Variants in PARP1 observed in about 807,000 individuals in gnomAD.
The protein encoded by PARP1 is poly(ADP-ribose) polymerase 1.
PARP1 carries 44 observed loss-of-function variants against 118.7 expected under a neutral mutation model. The observed-to-expected ratio is 0.37, with a 90% confidence interval of 0.29 to 0.48. The LOEUF (loss-of-function observed/expected upper bound fraction) is 0.48. Ranked by LOEUF, PARP1 falls within the 20% of genes least tolerant of loss-of-function variation. PARP1 has a pLI of 0.99. For missense variants in PARP1, 1,100 were observed against 1,272.4 expected (o/e 0.86, Z 2.06); for synonymous variants, 492 against 483.2 (o/e 1.02, Z -0.24).
rs2102732372 is a variant in PARP1 at position 226,374,320 on chromosome 1, G to C, written c.1976C>G (p.Pro659Arg). The change falls in exon 14 of 23, where the codon CCT (proline) becomes CGT (arginine). Residue 659 changes from proline (P) to arginine (R), a missense_variant. Physicochemically the swap from Pro to Arg is moderately radical, Grantham distance 103. Around this residue, in one of 2 missense-constraint regions of PARP1, gnomAD observed 948 missense variants for 1,031.8 expected, o/e 0.92. Coordinates refer to ENST00000366794, the MANE Select transcript of PARP1 (RefSeq NM_001618.4). ...CTTGGGGAGCTTGGACTTGGTGCCA[G>C]GATTTACTGTCAGCTTCTTCACTGC... Reference protein sequence around the residue: ...EEAVKKLTVNPGTKSKLPKPV... With the variant: ...EEAVKKLTVNRGTKSKLPKPV... The C allele has an allele frequency of 6.2e-7, 1 of 1,614,190 alleles. No individual in the cohort carries two copies. Among genetic ancestry groups the C allele is most frequent in the Non-Finnish European group, 8.5e-7 (1 of 1,180,018 alleles).
rs528721879 is a variant in PARP1, at chr1:226,385,221, C to T, written c.1011+283G>A. On this transcript the variant is annotated intron_variant, in intron 7 of 22. Transcript: ENST00000366794. ...ATGTCCCTCAAGCCTAGAACTGTGCCTGGCACATAGGAGGCATTCAATAGA... is the reference window on the plus strand; with the variant it reads ...ATGTCCCTCAAGCCTAGAACTGTGCTTGGCACATAGGAGGCATTCAATAGA... 2.6e-5 allele frequency among the ~76,000 whole-genome samples: 4 copies of T among 152,330 alleles called. No individual in the cohort carries two copies. The South Asian group carries it at 8.3e-4, about 32-fold the overall frequency.
At chr1:226,370,398 A>C in intron 15 of PARP1, 36 bp downstream of exon 15, 1 of 1,512,698 alleles carries the variant, frequency 6.6e-7, no homozygotes, top group Non-Finnish European at 9.2e-7. Context: ...CGGCCAGAGG[A>C]GGGTTCCAGG....
intron 5 of PARP1, 29 bp downstream of exon 5, chr1:226,388,627 C>A: frequency 7.1e-7 from 1 of 1,415,204 alleles, no homozygotes; most frequent in South Asian, 1.1e-5. Context: ...AGCAGAATGT[C>A]GAAAGGAGAC....
chr1:226,369,755 G>A (rs1157459247), intron 15 of PARP1, among the ~76,000 whole-genome samples: 1 of 152,036 alleles, frequency 6.6e-6, no homozygotes, highest in Non-Finnish European at 1.5e-5. Context: ...AGGAGTTTGA[G>A]ACCAGTCTGG....
intron 7 of PARP1, among the ~76,000 whole-genome samples, chr1:226,384,402 G>A (rs1476266243): frequency 6.6e-6 from 1 of 152,282 alleles, no homozygotes; most frequent in East Asian, 1.9e-4. Context: ...GGGGGCAACA[G>A]TGTCACTGCC....
intron 14 of PARP1, 43 bp from the exon 15 acceptor site, chr1:226,370,560 C>T (rs1664360409): frequency 2.7e-6 from 4 of 1,499,516 alleles, no homozygotes; most frequent in South Asian, 1.1e-5. Flanking sequence ...GGGCACTGTG[C>T]AGTGTGATCG....
intron 6 of PARP1, 121 bp from the exon 7 acceptor site, chr1:226,385,801 G>T: frequency 1.1e-6 from 1 of 920,238 alleles, no homozygotes; most frequent in Non-Finnish European, 1.7e-6. Context: ...GAGGCTTCTT[G>T]CTGTGGGCTT....
chr1:226,402,493 A>G (rs1025256568), intron 1 of PARP1, 114 bp from the exon 2 acceptor site: 7 of 1,001,280 alleles, frequency 7.0e-6, no homozygotes, highest in African/African-American at 3.2e-5. Context: ...GGGATAGCAC[A>G]TGAAACTTTT....
chr1:226,380,703 T>C (rs2102736049), intron 9 of PARP1, among the ~76,000 whole-genome samples: 1 of 152,366 alleles, frequency 6.6e-6, no homozygotes, highest in Admixed American at 6.5e-5. Context: ...TCATATTTAC[T>C]GACTGAGCAT....
intron 12 of PARP1, among the ~76,000 whole-genome samples, chr1:226,377,920 AATATAT>A: frequency 6.6e-6 from 1 of 152,134 alleles, no homozygotes; most frequent in East Asian, 1.9e-4. Flanking sequence ...TTTCATAATA[AATATAT>A]ATATATCATA....
chr1:226,363,273 C>G (rs181407683), intron 20 of PARP1, 113 bp from the exon 21 acceptor site: 26 of 799,454 alleles, frequency 3.3e-5, no homozygotes, highest in Admixed American at 1.8e-4. Context: ...TCCACAAAAC[C>G]CAGACCATCT....
At chr1:226,363,013 G>A (rs1664181274) in intron 21 of PARP1, 86 bp downstream of exon 21, 4 of 892,722 alleles carry the variant, frequency 4.5e-6, no homozygotes, top group Non-Finnish European at 7.7e-6. Context: ...CCAGCCACAA[G>A]GCAGCCTTCT....
At chr1:226,386,926 T>C (rs1208202901) in intron 5 of PARP1, among the ~76,000 whole-genome samples, 1 of 152,220 alleles carries the variant, frequency 6.6e-6, no homozygotes, top group African/African-American at 2.4e-5. Flanking sequence ...CTTCTGAAAA[T>C]GGAAGTTTTA....
At chr1:226,370,611 C>T in intron 14 of PARP1, 94 bp from the exon 15 acceptor site, 1 of 898,914 alleles carries the variant, frequency 1.1e-6, no homozygotes, top group Non-Finnish European at 1.9e-6. Flanking sequence ...AGGCCCCCAA[C>T]AGGAGCAGTC....
intron 2 of PARP1, among the ~76,000 whole-genome samples, chr1:226,394,644 T>G (rs1365680306): frequency 1.3e-5 from 2 of 152,192 alleles, no homozygotes; most frequent in East Asian, 1.9e-4. Flanking sequence ...CTGGGTGCGG[T>G]AGCTCACGCT....
At chr1:226,385,782 C>A in intron 6 of PARP1, 102 bp from the exon 7 acceptor site, 1 of 1,074,056 alleles carries the variant, frequency 9.3e-7, no homozygotes, top group Non-Finnish European at 1.4e-6. Flanking sequence ...CCACTCACTA[C>A]AAAGAAGAGA....
rs1664206035 is a variant in PARP1, at chr1:226,364,158, C to A, written c.2659-88G>T. On this transcript the variant is annotated intron_variant, in intron 19 of 22. Transcript: ENST00000366794. Reference sequence around the variant, plus strand: ...CTGAGTGCCAACTTGAGCAAGCCACCCAGCTAAGTGCTGCAATCCATCACT... The same window carrying A: ...CTGAGTGCCAACTTGAGCAAGCCACACAGCTAAGTGCTGCAATCCATCACT... 3 of 1,282,564 alleles carry A rather than the reference C, an allele frequency of 2.3e-6. No individual in the cohort carries two copies. The African/African-American group carries it at 4.4e-5, about 19-fold the overall frequency. 79.4% of individuals were successfully genotyped at this position (1,282,564 alleles called of 1,614,324 possible).
chr1:226,401,972 A>G (rs1373605663), intron 2 of PARP1: 1 of 1,449,792 alleles, frequency 6.9e-7, no homozygotes, highest in Non-Finnish European at 9.1e-7. Context: ...AAAGTATATT[A>G]AAAACAAAAC....
chr1:226,369,118 A>G (rs547402814), intron 15 of PARP1, among the ~76,000 whole-genome samples: 1 of 152,242 alleles, frequency 6.6e-6, no homozygotes, highest in East Asian at 1.9e-4. Context: ...CTTCCTGAAG[A>G]CTATTGCATG....
Sources: allele counts gnomAD v4.1 joint callset (sites outside exome capture counted in the v4.1 genomes callset), GRCh38; gene constraint gnomAD v4.1.1; regional missense constraint gnomAD v4.1.1; transcripts MANE v1.5; gene names NCBI Gene and HGNC (gene_info 2026-07-23, HGNC 2026-07-21).